Variants in LARP7 observed in about 807,000 individuals in gnomAD.
LARP7 encodes la-related protein 7.
LARP7 carries 52 observed loss-of-function variants against 69.3 expected under a neutral mutation model. That is an observed-to-expected ratio of 0.75 (90% CI 0.60 to 0.95). The LOEUF (loss-of-function observed/expected upper bound fraction) is 0.95. Ranked by LOEUF, LARP7 falls within the 40% of genes least tolerant of loss-of-function variation. LARP7 has a pLI of 0.00. For synonymous variants in LARP7, 254 were observed against 215.9 expected, an observed-to-expected ratio of 1.18 and a Z score of -1.55; for missense variants, 733 against 673.0, an observed-to-expected ratio of 1.09 and a Z score of -0.99.
chr4:112,655,479 G>T (rs1280419627), intron 12 of LARP7: 2 of 152,214 alleles, frequency 1.3e-5, no homozygotes, highest in African/African-American at 4.8e-5. Context: ...GTTGACTCTT[G>T]TCGTGAAATG....
At chr4:112,653,466 C>T (rs1384065901) in intron 11 of LARP7, among the ~76,000 whole-genome samples, 6 of 151,672 alleles carry the variant, frequency 4.0e-5, no homozygotes, top group African/African-American at 1.2e-4. Context: ...TGTGTTACCA[C>T]GCCCGGCTAA....
chr4:112,648,250 G>C lies in LARP7; in HGVS notation c.1142+416G>C, dbSNP rs565608094. ...GCAAGTACATCCACGTTTAAGTGGT[G>C]GGGAGCCCAGTCTTGGAAAAAGTTA... On this transcript the variant is annotated intron_variant, in intron 8 of 12. Coordinates refer to ENST00000344442, the MANE Select transcript of LARP7 (RefSeq NM_016648.4). The C allele has an allele frequency of 8.0e-4, 427 of 531,440 alleles. 6 individuals carry two copies. Among genetic ancestry groups the C allele is most frequent in the South Asian group, 5.7e-3 (400 of 70,796 alleles). 32.9% of individuals were successfully genotyped at this position (531,440 alleles called of 1,614,324 possible).
At chr4:112,641,743 A>C (rs2047973379) in intron 1 of LARP7, among the ~76,000 whole-genome samples, 2 of 152,286 alleles carry the variant, frequency 1.3e-5, no homozygotes, top group East Asian at 3.9e-4. Flanking sequence ...TGAGATAGGG[A>C]AAATTGGTGG....
chr4:112,648,006 A>T (rs770876012), intron 8 of LARP7, 172 bp downstream of exon 8: 3 of 703,828 alleles, frequency 4.3e-6, no homozygotes, highest in South Asian at 2.7e-5. Context: ...AGGAACCACC[A>T]CACTCAAACA....
In LARP7 at chr4:112,647,680, T is replaced by G. The variant is rs2048381847; in HGVS notation, c.998-10T>G. On this transcript the variant is annotated splice_polypyrimidine_tract_variant and intron_variant, in intron 7 of 12. Coordinates refer to ENST00000344442, the MANE Select transcript of LARP7 (RefSeq NM_016648.4). ...ATGTCTTAACGGAGAGCTTTTTTAT[T>G]TATTTCAAGATATAGAAATCTCTAC... 2 of 1,508,706 alleles carry G rather than the reference T, an allele frequency of 1.3e-6. No individual in the cohort carries two copies. The highest frequency in any genetic ancestry group is 2.9e-5 in the South Asian group (2 of 69,878). 93.5% of individuals were successfully genotyped at this position (1,508,706 alleles called of 1,614,324 possible). A position where few individuals can be genotyped will look rare whatever the true frequency, so the allele number is the denominator to read the frequency against.
intron 2 of LARP7, chr4:112,645,407 T>C (rs2149258235): frequency 2.4e-6 from 1 of 417,980 alleles, no homozygotes; most frequent in African/African-American, 2.0e-5. Flanking sequence ...TTTTAAGTAT[T>C]TTGGGATTTA....
chr4:112,645,406 T>C, intron 2 of LARP7: 1 of 417,406 alleles, frequency 2.4e-6, no homozygotes, highest in Admixed American at 2.7e-5. Context: ...CTTTTAAGTA[T>C]TTTGGGATTT....
chr4:112,648,517 A>G, intron 8 of LARP7: 1 of 533,752 alleles, frequency 1.9e-6, no homozygotes, highest in Non-Finnish European at 3.9e-6. Flanking sequence ...ACTTACTTTT[A>G]AAGTCACAGA....
chr4:112,648,051 G>A (rs138673224), intron 8 of LARP7: 56 of 646,208 alleles, frequency 8.7e-5, no homozygotes, highest in Middle Eastern at 5.3e-4. Context: ...CACAGCAAGT[G>A]CCTCCATGTT....
chr4:112,656,232 C>T (rs2048950221), intron 12 of LARP7, among the ~76,000 whole-genome samples: 1 of 152,030 alleles, frequency 6.6e-6, no homozygotes, highest in Non-Finnish European at 1.5e-5. Flanking sequence ...TATTGAAACC[C>T]TGTCTACTAA....
chr4:112,649,605 A>T lies in LARP7; in HGVS notation c.1213A>T (p.Thr405Ser), dbSNP rs767610310. 4 of 1,609,152 alleles carry T rather than the reference A, an allele frequency of 2.5e-6. No individual in the cohort carries two copies. The Admixed American group carries it at 5.0e-5, about 20-fold the overall frequency. The change falls in exon 9 of 13, where the codon ACA becomes TCA. Residue 405 changes from threonine to serine, a missense_variant. Thr to Ser is a moderately conservative substitution (Grantham distance 58, BLOSUM62 1). Transcript: ENST00000344442. ...QKASMASLKKTISQIKSESEM... is the reference protein window; with the variant it reads ...QKASMASLKKSISQIKSESEM... The stretch of plus-strand genomic sequence containing the variant: ...AGCTAGCATGGCTTCTTTAAAAAAA[A>T]CAATATCCCAAATAAAATCAGAGTC...
chr4:112,645,524 G>T (rs1416976479), intron 2 of LARP7: 2 of 455,792 alleles, frequency 4.4e-6, no homozygotes, highest in African/African-American at 4.0e-5. Flanking sequence ...TCATTTTTTT[G>T]AGGCAAGGTC....
At chr4:112,639,899 A>AATTATC (rs2047892919) in intron 1 of LARP7, among the ~76,000 whole-genome samples, 2 of 152,074 alleles carry the variant, frequency 1.3e-5, no homozygotes, top group African/African-American at 4.8e-5. Flanking sequence ...ATAGAATTAT[A>AATTATC]ATTATCAATT....
intron 2 of LARP7, chr4:112,645,503 T>A (rs1485698771): frequency 4.4e-6 from 2 of 456,180 alleles, no homozygotes; most frequent in East Asian, 1.4e-4. Flanking sequence ...AGCTCAATGT[T>A]ATTTTTTGTT....
Position 112,647,700 on chromosome 4 carries a change from C to G in LARP7, c.1008C>G (p.Ile336Met), listed in dbSNP as rs2048383703. 3 of 1,525,136 alleles carry G rather than the reference C, an allele frequency of 2.0e-6. No individual in the cohort carries two copies. The South Asian group carries it at 4.1e-5, about 21-fold the overall frequency. 94.5% of individuals were successfully genotyped at this position (1,525,136 alleles called of 1,614,324 possible). A position where few individuals can be genotyped will look rare whatever the true frequency, so the allele number is the denominator to read the frequency against. ...EASKENRDIE[I>M]STEEEKDTGD... is the part of the protein sequence containing the mutation. Reference sequence around the variant, plus strand: ...TTTATTTATTTCAAGATATAGAAATCTCTACTGAAGAGGAAAAGGATACTG... The same window carrying G: ...TTTATTTATTTCAAGATATAGAAATGTCTACTGAAGAGGAAAAGGATACTG... Residue 336 changes from isoleucine (I) to methionine (M), a missense_variant, in exon 8 of 13, where the codon ATC becomes ATG. Transcript: ENST00000344442.
intron 1 of LARP7, among the ~76,000 whole-genome samples, chr4:112,640,339 A>T (rs2047912255): frequency 6.6e-6 from 1 of 152,238 alleles, no homozygotes; most frequent in African/African-American, 2.4e-5. Flanking sequence ...ACAGATACTT[A>T]GGTACTGATG....
chr4:112,649,695 C>G lies in LARP7; in HGVS notation c.1294+9C>G, dbSNP rs1461692576. 2 of 1,571,086 alleles carry G rather than the reference C, an allele frequency of 1.3e-6. No individual in the cohort carries two copies. The highest frequency in any genetic ancestry group is 2.7e-5 in the African/African-American group (2 of 72,946). ...AATGAAAAATGAAAAAAGTAAAGAT[C>G]ACTGATAGTTTTGACAACATTATAA... On this transcript the variant is annotated intron_variant, in intron 9 of 12. Coordinates refer to ENST00000344442, the MANE Select transcript of LARP7 (RefSeq NM_016648.4).
Position 112,644,851 on chromosome 4 carries a change from T to C in LARP7, c.182T>C (p.Ile61Thr). 1 of 1,583,100 alleles carries C rather than the reference T, an allele frequency of 6.3e-7. No homozygotes were observed. The highest frequency in any genetic ancestry group is 8.6e-7 in the Non-Finnish European group (1 of 1,162,646). ...LHKDRFLREQ[I>T]EKSRDGYVDI... ...AAGGATAGATTTCTTCGAGAACAGATAGAAAAATCTAGAGATGGATGTAAG... is the reference window on the plus strand; with the variant it reads ...AAGGATAGATTTCTTCGAGAACAGACAGAAAAATCTAGAGATGGATGTAAG... The change falls in exon 2 of 13, where the codon ATA (isoleucine) becomes ACA (threonine). Residue 61 changes from isoleucine to threonine, a missense_variant. Ile to Thr is a moderately conservative substitution (Grantham distance 89, BLOSUM62 -1). Transcript: ENST00000344442.
chr4:112,637,780 C>G (rs1040632806), intron 1 of LARP7: 8 of 152,170 alleles, frequency 5.3e-5, no homozygotes, highest in South Asian at 2.1e-4. Flanking sequence ...GGTGGAAGAT[C>G]TCAAAGAGTA....
Sources: allele counts gnomAD v4.1 joint callset (sites outside exome capture counted in the v4.1 genomes callset), GRCh38; gene constraint gnomAD v4.1.1; transcripts MANE v1.5; gene names NCBI Gene and HGNC (gene_info 2026-07-23, HGNC 2026-07-21).